ARNT: variants seen among roughly 807,000 people sequenced by gnomAD.
ARNT encodes aryl hydrocarbon receptor nuclear translocator.
ARNT carries 30 observed loss-of-function variants against 105.0 expected under a neutral mutation model. The observed-to-expected ratio is 0.29, with a 90% CI of 0.21 to 0.39. The LOEUF (loss-of-function observed/expected upper bound fraction) is 0.39, where lower values mean the gene tolerates loss of function less well. ARNT is among the 10% of genes least tolerant of loss of function. The pLI is 1.00. For synonymous variants in ARNT, 304 were observed against 344.0 expected, an observed-to-expected ratio of 0.88 and a Z score of 1.29; for missense variants, 748 against 978.7, an observed-to-expected ratio of 0.76 and a Z score of 3.15.
At chr1:150,854,138 T>C (rs922657869) in intron 2 of ARNT, among the ~76,000 whole-genome samples, 1 of 152,162 alleles carries the variant, frequency 6.6e-6, no homozygotes, top group Non-Finnish European at 1.5e-5. Flanking sequence ...CAGGCTGGAG[T>C]ACAGTGGCAT....
Position 150,817,445 on chromosome 1 carries a change from A to G in ARNT, c.1506-12T>C, listed in dbSNP as rs749702096. 3.1e-6 allele frequency: 5 copies of G among 1,613,184 alleles called. No individual in the cohort carries two copies. The Admixed American group carries it at 8.4e-5, about 27-fold the overall frequency. ...GCTGTTGCTGCTGCCTATATGTCAA[A>G]GGCCAGTTGACAAGACAAATAGAAA... On this transcript the variant is annotated splice_polypyrimidine_tract_variant and intron_variant, in intron 15 of 21. Transcript: ENST00000358595.
chr1:150,876,563 G>T lies in ARNT; in HGVS notation c.5C>A (p.Ala2Glu). Residue 2 changes from alanine (A) to glutamate (E), a missense_variant, in exon 1 of 22, where the codon GCG (alanine) becomes GAG (glutamate). Ala to Glu is a moderately radical substitution (Grantham distance 107, BLOSUM62 -1). Around this residue, in one of 4 missense-constraint regions of ARNT, gnomAD observed 93 missense variants for 101.6 expected, o/e 0.92. Coordinates refer to ENST00000358595, the MANE Select transcript of ARNT (RefSeq NM_001668.4). The part of the protein sequence containing the change: M[A>E]ATTANPEMTS... ...CTCACCGGGGTTGGCAGTAGTCGCC[G>T]CCATGGCCGCAGATGCCACCGCCGC... 6.5e-7 allele frequency: 1 copy of T among 1,546,970 alleles called. No homozygotes were observed. The highest frequency in any genetic ancestry group is 2.5e-5 in the East Asian group (1 of 40,750).
intron 2 of ARNT, among the ~76,000 whole-genome samples, chr1:150,854,793 G>T (rs587613381): frequency 6.8e-6 from 1 of 147,370 alleles, no homozygotes; most frequent in East Asian, 2.0e-4. Flanking sequence ...GGAGGCAGAG[G>T]TTGCAGTGAG....
intron 3 of ARNT, among the ~76,000 whole-genome samples, chr1:150,849,046 A>G (rs1662806336): frequency 6.6e-6 from 1 of 151,970 alleles, no homozygotes; most frequent in Non-Finnish European, 1.5e-5. Flanking sequence ...TCTACTAAAA[A>G]TACAAAATTA....
At chr1:150,831,604 C>G (rs1428775253) in intron 10 of ARNT, 1 of 521,686 alleles carries the variant, frequency 1.9e-6, no homozygotes, top group Non-Finnish European at 3.3e-6. Context: ...ACAGCCAATA[C>G]TGAATCATTT....
At chr1:150,851,324 C>T (rs1439807953) in intron 3 of ARNT, among the ~76,000 whole-genome samples, 1 of 151,440 alleles carries the variant, frequency 6.6e-6, no homozygotes, top group Non-Finnish European at 1.5e-5. Flanking sequence ...AAGTGAGGAG[C>T]CCCTCTGCCC....
rs141872596 is a variant in ARNT at position 150,838,728 on chromosome 1, A to G, written c.486+713T>C. Among the ~76,000 whole-genome samples the G allele has an allele frequency of 1.3e-3, 201 of 152,340 alleles. 1 individual carries two copies. Among genetic ancestry groups the G allele is most frequent in the African/African-American group, 4.6e-3 (192 of 41,568 alleles). ...CAATGATCATGTTATTTTAATAACC[A>G]AAACAGAACATGGCTTCCTTACCCT... On this transcript the variant is annotated intron_variant, in intron 6 of 21. Transcript: ENST00000358595.
intron 5 of ARNT, among the ~76,000 whole-genome samples, chr1:150,840,462 T>C (rs1661073842): frequency 1.3e-5 from 2 of 152,210 alleles, no homozygotes; most frequent in South Asian, 2.1e-4. Context: ...CAGATTTCCT[T>C]GGTCTATAAA....
intron 2 of ARNT, among the ~76,000 whole-genome samples, chr1:150,853,430 A>T (rs1214208192): frequency 6.6e-6 from 1 of 152,230 alleles, no homozygotes; most frequent in East Asian, 1.9e-4. Context: ...AGAAAAAATA[A>T]GAAAAAATTA....
chr1:150,860,483 T>C (rs905803239), intron 1 of ARNT, among the ~76,000 whole-genome samples: 1 of 151,350 alleles, frequency 6.6e-6, no homozygotes, highest in Non-Finnish European at 1.5e-5. Context: ...CCCAAAATGC[T>C]AGGATTACAG....
intron 6 of ARNT, among the ~76,000 whole-genome samples, chr1:150,838,019 A>C (rs1261893994): frequency 6.6e-6 from 1 of 152,188 alleles, no homozygotes; most frequent in Admixed American, 6.5e-5. Flanking sequence ...TTTTACCAAA[A>C]CTAATTAAGT....
At chr1:150,813,746 G>C (rs1268055480) in intron 20 of ARNT, among the ~76,000 whole-genome samples, 3 of 151,920 alleles carry the variant, frequency 2.0e-5, no homozygotes, top group Admixed American at 1.3e-4. Context: ...CTGGGTTCAA[G>C]CGATTCTCCT....
rs187945964 is a variant in ARNT, at chr1:150,870,416, G to A, written c.25+6127C>T. ...ATTGAACTCTAATCCAACATACTAG[G>A]CACCCACTGTAAGCACTGCAATGCT... On this transcript the variant is annotated intron_variant, in intron 1 of 21. Coordinates refer to ENST00000358595, the MANE Select transcript of ARNT (RefSeq NM_001668.4). Among the ~76,000 whole-genome samples, 39 of 152,132 alleles carry A rather than the reference G, an allele frequency of 2.6e-4. No individual in the cohort carries two copies. The East Asian group carries it at 6.2e-3, about 24-fold the overall frequency.
chr1:150,856,731 C>G (rs1664683961), intron 2 of ARNT, among the ~76,000 whole-genome samples: 1 of 152,084 alleles, frequency 6.6e-6, no homozygotes, highest in African/African-American at 2.4e-5. Flanking sequence ...CCACTGCACT[C>G]CAGCCTGGCA....
intron 14 of ARNT, among the ~76,000 whole-genome samples, chr1:150,819,611 A>C (rs1027259504): frequency 6.6e-6 from 1 of 152,244 alleles, no homozygotes; most frequent in African/African-American, 2.4e-5. Flanking sequence ...ACATGCTACA[A>C]CATGTATCAG....
rs995902016 is a variant in ARNT, at chr1:150,828,356, T to G, written c.1167+737A>C. On this transcript the variant is annotated intron_variant, in intron 12 of 21. Transcript: ENST00000358595. ...TGGGTGTGGTTTTTTTTTTGTTTTT[T>G]TTTTTTTTTGCATACAGATATCCAA... is the stretch of plus-strand genomic sequence containing the variant. Among the ~76,000 whole-genome samples the G allele has an allele frequency of 4.7e-5, 7 of 150,130 alleles. 1 individual carries two copies. Among genetic ancestry groups the G allele is most frequent in the African/African-American group, 1.7e-4 (7 of 41,224 alleles).
intron 1 of ARNT, among the ~76,000 whole-genome samples, chr1:150,864,312 T>C (rs1666161019): frequency 6.6e-6 from 1 of 152,002 alleles, no homozygotes; most frequent in South Asian, 2.1e-4. Flanking sequence ...AGGTGACACA[T>C]AACAGCAACT....
chr1:150,840,337 A>G (rs1661055430), intron 5 of ARNT, among the ~76,000 whole-genome samples: 1 of 152,188 alleles, frequency 6.6e-6, no homozygotes. Context: ...ATATAACCTC[A>G]GCTTGGTTAA....
chr1:150,862,123 G>A (rs1055794355), intron 1 of ARNT, among the ~76,000 whole-genome samples: 12 of 152,032 alleles, frequency 7.9e-5, no homozygotes, highest in African/African-American at 2.4e-4. Flanking sequence ...AAATACACAC[G>A]TAGATCATTC....
Sources: gnomAD v4.1 joint callset for allele counts (sites outside exome capture counted in the v4.1 genomes callset) on GRCh38, gnomAD v4.1.1 for gene constraint, gnomAD v4.1.1 regional missense constraint, MANE v1.5 for transcripts, NCBI Gene and HGNC (gene_info 2026-07-23, HGNC 2026-07-21) for gene names.